The following MARK3 variants were observed in gnomAD, a reference collection of about 807,000 sequenced individuals.
MARK3 encodes the protein microtubule affinity regulating kinase 3.
Under a neutral mutation model 90.1 loss-of-function variants are expected in MARK3, and 46 were observed. That is an observed-to-expected ratio of 0.51 (90% confidence interval 0.40 to 0.65). The LOEUF is 0.65. Among genes scored for constraint, MARK3 ranks in the 30% least tolerant of loss-of-function variants. MARK3 has a pLI of 0.00. For synonymous variants in MARK3, 321 were observed against 332.6 expected (o/e 0.97, Z 0.38); for missense variants, 818 against 947.2 (o/e 0.86, Z 1.79).
Position 103,432,053 on chromosome 14 carries a change from G to A in MARK3, c.297+3613G>A, listed in dbSNP as rs188210834. 4.2e-3 allele frequency among the ~76,000 whole-genome samples: 626 copies of A among 150,760 alleles called. 20 individuals carry two copies. The highest frequency in any genetic ancestry group is 1.0e-3 in the Non-Finnish European group (69 of 67,782). On this transcript the variant is annotated intron_variant, in intron 3 of 17. Transcript: ENST00000429436. ...TTTTCTGCCTTAATTCCAGTCTTTT[G>A]GGGGATTTTGGAATAATGGGTCATT...
At chr14:103,435,925 C>G (rs1323628976) in intron 3 of MARK3, among the ~76,000 whole-genome samples, 1 of 151,954 alleles carries the variant, frequency 6.6e-6, no homozygotes, top group Non-Finnish European at 1.5e-5. Flanking sequence ...GAGTCTCCCT[C>G]TGTTGGCCAG....
chr14:103,454,816 T>C (rs2093238752), intron 5 of MARK3, among the ~76,000 whole-genome samples: 1 of 152,222 alleles, frequency 6.6e-6, no homozygotes, highest in Non-Finnish European at 1.5e-5. Context: ...AAGGGGTCCA[T>C]AGCTAGTTAG....
chr14:103,479,120 A>G (rs754077216), intron 13 of MARK3, among the ~76,000 whole-genome samples: 12 of 152,110 alleles, frequency 7.9e-5, no homozygotes, highest in Non-Finnish European at 1.3e-4. Flanking sequence ...TCCCAGACCC[A>G]AGTGATCCTC....
rs183020646 is a variant in MARK3, at chr14:103,497,315, A to T, written c.1845-1187A>T. Among the ~76,000 whole-genome samples the T allele has an allele frequency of 3.8e-4, 58 of 152,356 alleles. No individual in the cohort carries two copies. In the East Asian group the frequency reaches 5.4e-3, roughly 14 times the overall value. On this transcript the variant is annotated intron_variant, in intron 15 of 17. Coordinates refer to ENST00000429436, the MANE Select transcript of MARK3 (RefSeq NM_001128918.3). ...AGCAATGCCAAAGTTATCCCAACCA[A>T]GGATTTCATTAATTTAGTCATTCAG... is the stretch of plus-strand genomic sequence containing the variant.
intron 14 of MARK3, chr14:103,491,489 A>T (rs995228436): frequency 6.0e-6 from 2 of 333,748 alleles, no homozygotes; most frequent in Admixed American, 9.1e-5. Flanking sequence ...GCAAAGGGGA[A>T]AAGTTTGAGT....
intron 2 of MARK3, among the ~76,000 whole-genome samples, chr14:103,416,276 A>G (rs2091940278): frequency 6.6e-6 from 1 of 152,232 alleles, no homozygotes; most frequent in Non-Finnish European, 1.5e-5. Flanking sequence ...CTAGGCACAG[A>G]TAAGTGGGAT....
intron 3 of MARK3, among the ~76,000 whole-genome samples, chr14:103,447,473 C>T (rs1444309861): frequency 6.6e-6 from 1 of 152,130 alleles, no homozygotes; most frequent in Non-Finnish European, 1.5e-5. Context: ...AGGTTTTTCC[C>T]CGCTTTTGCC....
chr14:103,491,192 T>G (rs1220589806), intron 14 of MARK3: 5 of 1,045,856 alleles, frequency 4.8e-6, no homozygotes, highest in Middle Eastern at 2.5e-4. Flanking sequence ...GTCTGAGATT[T>G]TGTTACAGTT....
intron 15 of MARK3, among the ~76,000 whole-genome samples, chr14:103,497,657 A>C (rs1382960345): frequency 6.6e-6 from 1 of 152,180 alleles, no homozygotes; most frequent in Non-Finnish European, 1.5e-5. Flanking sequence ...ACTTGTTTAA[A>C]TCCCCAATCA....
At chr14:103,449,986 A>G (rs2093093423) in intron 4 of MARK3, among the ~76,000 whole-genome samples, 1 of 152,322 alleles carries the variant, frequency 6.6e-6, no homozygotes, top group South Asian at 2.1e-4. Context: ...CACAGGAAGA[A>G]AGAAGCTTTT....
chr14:103,391,369 A>G lies in MARK3; in HGVS notation c.51+5289A>G, dbSNP rs537083310. 2.0e-5 allele frequency among the ~76,000 whole-genome samples: 3 copies of G among 152,290 alleles called. No individual in the cohort carries two copies. In the South Asian group the frequency reaches 6.2e-4, roughly 32 times the overall value. ...GCAAATGCAGTATCATTTCCTCTCT[A>G]AAGCTTTTAGAAGAGATAAAGCCTG... On this transcript the variant is annotated intron_variant, in intron 1 of 17. Coordinates refer to ENST00000429436, the MANE Select transcript of MARK3 (RefSeq NM_001128918.3).
chr14:103,398,468 C>T (rs1466512105), intron 1 of MARK3, among the ~76,000 whole-genome samples: 4 of 151,930 alleles, frequency 2.6e-5, no homozygotes, highest in South Asian at 2.1e-4. Context: ...TTGTTTTTTG[C>T]GGGGGTTGGT....
intron 2 of MARK3, among the ~76,000 whole-genome samples, chr14:103,421,011 T>G (rs1249422774): frequency 6.6e-6 from 1 of 152,182 alleles, no homozygotes; most frequent in Admixed American, 6.5e-5. Context: ...GAGTGAAACT[T>G]ACCTAACACC....
intron 17 of MARK3, among the ~76,000 whole-genome samples, chr14:103,500,682 TG>T (rs2075615124): frequency 6.6e-6 from 1 of 151,274 alleles, no homozygotes; most frequent in Non-Finnish European, 1.5e-5. Context: ...CAGTCTGGAG[TG>T]TAGTGGCGTG....
chr14:103,503,417 CAACCT>C lies in MARK3; in HGVS notation c.*192_*196del. 1 of 598,486 alleles carries C rather than the reference CAACCT, an allele frequency of 1.7e-6. No homozygotes were observed. The highest frequency in any genetic ancestry group is 2.9e-6 in the Non-Finnish European group (1 of 344,588). The allele number at this position is 598,486 out of a possible 1,614,324, so 37.1% of individuals were successfully genotyped here. A position where few individuals can be genotyped will look rare whatever the true frequency, so the allele number is the denominator to read the frequency against. On this transcript the variant is annotated 3_prime_UTR_variant, in exon 18 of 18. Coordinates refer to ENST00000429436, the MANE Select transcript of MARK3 (RefSeq NM_001128918.3). ...ACGAATGCACTACATTAAAGATGTG[CAACCT>C]ATGCGCCCCCTGCCCTACTTCCGTT... is the stretch of plus-strand genomic sequence containing the variant.
chr14:103,459,402 CT>C (rs1276690423), intron 6 of MARK3, among the ~76,000 whole-genome samples: 1 of 152,096 alleles, frequency 6.6e-6, no homozygotes, highest in African/African-American at 2.4e-5. Flanking sequence ...AGAATTGACC[CT>C]TTCTTCCATG....
chr14:103,453,496 G>T (rs528596844), intron 5 of MARK3, among the ~76,000 whole-genome samples: 1 of 152,174 alleles, frequency 6.6e-6, no homozygotes, highest in Non-Finnish European at 1.5e-5. Context: ...TAAAAAGATT[G>T]TAAACCTGTT....
chr14:103,468,644 T>C (rs1240175013), intron 12 of MARK3, among the ~76,000 whole-genome samples: 1 of 152,084 alleles, frequency 6.6e-6, no homozygotes, highest in Non-Finnish European at 1.5e-5. Flanking sequence ...TTCTTAGTGT[T>C]CCTGCAGGTG....
chr14:103,422,541 CATTTG>C (rs2092260521), intron 2 of MARK3, among the ~76,000 whole-genome samples: 1 of 152,154 alleles, frequency 6.6e-6, no homozygotes, highest in Non-Finnish European at 1.5e-5. Context: ...AAAGTAAACA[CATTTG>C]AATAACCATG....
Sources: gnomAD v4.1 joint callset for allele counts (sites outside exome capture counted in the v4.1 genomes callset) on GRCh38, gnomAD v4.1.1 for gene constraint, MANE v1.5 for transcripts, NCBI Gene and HGNC (gene_info 2026-07-23, HGNC 2026-07-21) for gene names.